The following SH3D19 variants were observed in gnomAD, a reference collection of about 807,000 sequenced individuals.
The protein encoded by SH3D19 is SH3 domain containing 19, also known as SH3 domain-containing protein 19.
Under a neutral mutation model 112.1 loss-of-function variants are expected in SH3D19, and 58 were observed. That is an observed-to-expected ratio of 0.52 (90% CI 0.42 to 0.64). The LOEUF is 0.64. Among genes scored for constraint, SH3D19 ranks in the 30% least tolerant of loss-of-function variants. The pLI is 0.00. For missense variants in SH3D19, 1,090 were observed against 1,263.4 expected, an observed-to-expected ratio of 0.86 and a Z score of 2.08; for synonymous variants, 391 against 448.5, an observed-to-expected ratio of 0.87 and a Z score of 1.62.
intron 8 of SH3D19, among the ~76,000 whole-genome samples, chr4:151,162,573 A>C (rs573991394): frequency 6.6e-6 from 1 of 151,586 alleles, no homozygotes; most frequent in African/African-American, 2.4e-5. Flanking sequence ...TTATCCCTAG[A>C]AAGTCCTACT....
Position 151,209,184 on chromosome 4 carries a change from G to A in SH3D19, c.152+16863C>T, listed in dbSNP as rs573494150. 2.1e-3 allele frequency among the ~76,000 whole-genome samples: 319 copies of A among 152,084 alleles called. 2 individuals are homozygous for A. Among genetic ancestry groups the A allele is most frequent in the African/African-American group, 7.5e-3 (310 of 41,488 alleles). ...GTGGTGAAGCTGGGATTCTAACCCC[G>A]TCAGCCTGATGCCTGGACCCAAGTA... On this transcript the variant is annotated intron_variant, in intron 2 of 19. Transcript: ENST00000604030.
At chr4:151,144,345 G>T in intron 11 of SH3D19, 1 of 1,511,690 alleles carries the variant, frequency 6.6e-7, no homozygotes, top group Non-Finnish European at 9.2e-7. Flanking sequence ...CTCTTAAGTT[G>T]CTGATCATTT....
At chr4:151,233,804 T>C (rs1335259318) in intron 1 of SH3D19, among the ~76,000 whole-genome samples, 2 of 152,214 alleles carry the variant, frequency 1.3e-5, no homozygotes, top group Admixed American at 6.5e-5. Context: ...ACACTAAGCA[T>C]GACAGGGTGC....
chr4:151,309,973 T>C (rs909537016), intron 1 of SH3D19, among the ~76,000 whole-genome samples: 19 of 149,070 alleles, frequency 1.3e-4, no homozygotes, highest in Admixed American at 2.7e-4. Flanking sequence ...CTGGGTGACA[T>C]AGCAAGACCC....
Position 151,175,605 on chromosome 4 carries a change from A to C in SH3D19, c.599T>G (p.Val200Gly), listed in dbSNP as rs979106935. 6 of 1,318,618 alleles carry C rather than the reference A, an allele frequency of 4.6e-6. No individual in the cohort carries two copies. The highest frequency in any genetic ancestry group is 4.8e-6 in the Non-Finnish European group (5 of 1,040,606). The allele number at this position is 1,318,618 out of a possible 1,614,324, so 81.7% of individuals were successfully genotyped here. The change falls in exon 7 of 20, where the codon GTG (valine) becomes GGG (glycine). Residue 200 changes from valine to glycine, a missense_variant. Transcript: ENST00000604030. ...AATATCAAAGACGATTAAAGGTGCC[A>C]CATTTGTTGGAAGATTGCCAGACGA... ...AVSSGNLPTNVAPLIVFDISE... is the reference protein window; with the variant it reads ...AVSSGNLPTNGAPLIVFDISE...
chr4:151,171,562 G>A (rs1362570625), intron 7 of SH3D19, among the ~76,000 whole-genome samples: 1 of 152,058 alleles, frequency 6.6e-6, no homozygotes, highest in Non-Finnish European at 1.5e-5. Context: ...ACACCTGCTG[G>A]TGAACAAGCA....
At chr4:151,246,473 GA>G (rs1354106302) in intron 1 of SH3D19, among the ~76,000 whole-genome samples, 1 of 152,156 alleles carries the variant, frequency 6.6e-6, no homozygotes, top group Non-Finnish European at 1.5e-5. Context: ...TCTTTCTGGA[GA>G]GTAATTTGGG....
intron 1 of SH3D19, among the ~76,000 whole-genome samples, chr4:151,265,432 A>T (rs1772703297): frequency 6.6e-6 from 1 of 151,990 alleles, no homozygotes; most frequent in South Asian, 2.1e-4. Context: ...GAAGGAGATA[A>T]AAGGAGGTTA....
intron 2 of SH3D19, among the ~76,000 whole-genome samples, chr4:151,217,137 G>A (rs974788986): frequency 6.6e-6 from 1 of 152,104 alleles, no homozygotes. Flanking sequence ...AGAGGTACAG[G>A]TATCAAAACA....
At chr4:151,129,463 G>A (rs568716056) in intron 17 of SH3D19, among the ~76,000 whole-genome samples, 7 of 152,216 alleles carry the variant, frequency 4.6e-5, no homozygotes, top group Middle Eastern at 3.4e-3. Context: ...TCTGCCTCCC[G>A]GGTTCAAGCA....
At chr4:151,171,398 G>A (rs1201406867) in intron 7 of SH3D19, among the ~76,000 whole-genome samples, 1 of 152,032 alleles carries the variant, frequency 6.6e-6, no homozygotes, top group East Asian at 1.9e-4. Flanking sequence ...CAAAAAACAC[G>A]GAGCATCTTA....
At chr4:151,145,075 C>T (rs1220997028) in intron 11 of SH3D19, among the ~76,000 whole-genome samples, 4 of 152,216 alleles carry the variant, frequency 2.6e-5, no homozygotes, top group Admixed American at 6.5e-5. Context: ...TTCCCAACAT[C>T]TTTGTCAGAT....
chr4:151,185,040 G>GTTTTTTTTT (rs66567240), intron 3 of SH3D19, among the ~76,000 whole-genome samples: 1 of 66,502 alleles, frequency 1.5e-5, no homozygotes, highest in South Asian at 6.7e-4. Flanking sequence ...GCTGTGTCCT[G>GTTTTTTTTT]TTTTTTTTTT....
chr4:151,152,283 G>A (rs1169479337), intron 9 of SH3D19, among the ~76,000 whole-genome samples: 7 of 152,074 alleles, frequency 4.6e-5, no homozygotes, highest in African/African-American at 7.2e-5. Flanking sequence ...CTCCTCGTGG[G>A]TATTCCACAC....
At chr4:151,157,196 G>A (rs933427460) in intron 9 of SH3D19, among the ~76,000 whole-genome samples, 9 of 151,434 alleles carry the variant, frequency 5.9e-5, no homozygotes, top group Non-Finnish European at 1.3e-4. Context: ...AGGCTGCAGT[G>A]AGCTGTGATC....
intron 9 of SH3D19, among the ~76,000 whole-genome samples, chr4:151,154,572 C>T (rs1340695620): frequency 6.6e-6 from 1 of 151,858 alleles, no homozygotes; most frequent in African/African-American, 2.4e-5. Flanking sequence ...AGCCACCACA[C>T]CCGGCCTCTT....
chr4:151,254,323 T>A (rs532509973), intron 1 of SH3D19, among the ~76,000 whole-genome samples: 15 of 151,724 alleles, frequency 9.9e-5, no homozygotes, highest in East Asian at 5.8e-4. Flanking sequence ...ATTTATTTTT[T>A]AAATTTATTT....
intron 8 of SH3D19, among the ~76,000 whole-genome samples, chr4:151,160,181 A>G (rs1756901806): frequency 6.7e-6 from 1 of 148,700 alleles, no homozygotes; most frequent in African/African-American, 2.5e-5. Context: ...CCGCCTCCTG[A>G]GTTCACGCCA....
intron 8 of SH3D19, among the ~76,000 whole-genome samples, chr4:151,164,747 T>G (rs1178251496): frequency 6.6e-6 from 1 of 152,048 alleles, no homozygotes; most frequent in Non-Finnish European, 1.5e-5. Flanking sequence ...ACCCAGCTAA[T>G]TTTTGTATTT....
Sources: allele counts gnomAD v4.1 joint callset (sites outside exome capture counted in the v4.1 genomes callset), GRCh38; gene constraint gnomAD v4.1.1; transcripts MANE v1.5; gene names NCBI Gene and HGNC (gene_info 2026-07-23, HGNC 2026-07-21).